Variants in BRINP3 observed in about 807,000 individuals in gnomAD.
BRINP3 encodes the protein BMP/retinoic acid-inducible neural-specific protein 3.
In BRINP3, 19 loss-of-function variants were observed where a neutral mutation model predicts 71.0. The ratio of observed to expected loss-of-function variants is 0.27; its 90% CI spans 0.19 to 0.39. The LOEUF is 0.39. BRINP3 is among the 10% of genes least tolerant of loss of function. The probability of loss-of-function intolerance (pLI) is 1.00; values close to 1 mark genes in which losing one functional copy is unlikely to be tolerated. For missense variants in BRINP3, 959 were observed against 940.8 expected, an observed-to-expected ratio of 1.02 and a Z score of -0.25; for synonymous variants, 380 against 337.7, an observed-to-expected ratio of 1.13 and a Z score of -1.37.
At chr1:190,165,775 T>C (rs1364727001) in intron 6 of BRINP3, among the ~76,000 whole-genome samples, 1 of 151,696 alleles carries the variant, frequency 6.6e-6, no homozygotes, top group Non-Finnish European at 1.5e-5. Context: ...GATACAAAAT[T>C]GGCAAGATAT....
intron 2 of BRINP3, among the ~76,000 whole-genome samples, chr1:190,383,129 C>G (rs919759081): frequency 1.3e-5 from 2 of 152,074 alleles, no homozygotes; most frequent in Non-Finnish European, 2.9e-5. Flanking sequence ...TCATTTTGAT[C>G]AGGAAAGTAT....
intron 7 of BRINP3, among the ~76,000 whole-genome samples, chr1:190,123,694 T>G (rs1431449962): frequency 6.6e-6 from 1 of 152,190 alleles, no homozygotes; most frequent in Admixed American, 6.5e-5. Context: ...GTTTCCTAAA[T>G]GAATAACCAT....
chr1:190,206,652 T>C (rs564822894), intron 6 of BRINP3, among the ~76,000 whole-genome samples: 1 of 152,198 alleles, frequency 6.6e-6, no homozygotes, highest in African/African-American at 2.4e-5. Context: ...ATAAAGGATG[T>C]AAAATTAATG....
At chr1:190,303,874 T>G (rs1345495301) in intron 2 of BRINP3, among the ~76,000 whole-genome samples, 1 of 151,810 alleles carries the variant, frequency 6.6e-6, no homozygotes, top group Admixed American at 6.6e-5. Context: ...CCCCTAGGTA[T>G]TTAAAAATAC....
intron 1 of BRINP3, among the ~76,000 whole-genome samples, chr1:190,465,582 G>C (rs1033418174): frequency 2.0e-5 from 3 of 151,892 alleles, no homozygotes; most frequent in African/African-American, 7.2e-5. Flanking sequence ...CAAGAATCCT[G>C]TTAGATCAGT....
chr1:190,463,633 T>A (rs1264704520), intron 1 of BRINP3, among the ~76,000 whole-genome samples: 1 of 151,808 alleles, frequency 6.6e-6, no homozygotes, highest in Admixed American at 6.6e-5. Flanking sequence ...TTTTGGATGT[T>A]CATAAATTCT....
intron 2 of BRINP3, among the ~76,000 whole-genome samples, chr1:190,320,972 C>G (rs978083037): frequency 4.6e-5 from 7 of 152,010 alleles, no homozygotes; most frequent in Admixed American, 3.9e-4. Context: ...TATACACACA[C>G]ACACACGTAT....
In BRINP3 at chr1:190,225,209, T is replaced by A. The variant is rs191171672; in HGVS notation, c.961+873A>T. 3.9e-5 allele frequency among the ~76,000 whole-genome samples: 6 copies of A among 151,944 alleles called. No individual in the cohort carries two copies. The East Asian group carries it at 1.2e-3, about 29-fold the overall frequency. On this transcript the variant is annotated intron_variant, in intron 6 of 7. Transcript: ENST00000367462. ...TGCAGCACTATTCCCAATAACCAAA[T>A]ACGGATTCAATTTAACTGCCCATCA...
At chr1:190,287,884 AATTTT>A (rs2307507) in intron 2 of BRINP3, among the ~76,000 whole-genome samples, 60,742 of 151,698 alleles carry the variant, frequency 0.4, 13,059 homozygotes, top group Non-Finnish European at 0.48. Flanking sequence ...AAAATAATTT[AATTTT>A]ATGTTACATA....
chr1:190,435,174 G>A (rs1674374969), intron 2 of BRINP3, among the ~76,000 whole-genome samples: 1 of 152,054 alleles, frequency 6.6e-6, no homozygotes, highest in Non-Finnish European at 1.5e-5. Flanking sequence ...TATCAATAAT[G>A]CATTAACACA....
At chr1:190,366,546 AAC>A (rs1669514947) in intron 2 of BRINP3, among the ~76,000 whole-genome samples, 1 of 152,062 alleles carries the variant, frequency 6.6e-6, no homozygotes, top group Admixed American at 6.5e-5. Flanking sequence ...CACATTTCAA[AAC>A]ACAGTCATCT....
chr1:190,098,108 A>G lies in BRINP3; in HGVS notation c.2211T>C (p.Ser737=), dbSNP rs113509354. The stretch of plus-strand genomic sequence containing the variant: ...GAGCAGATTGGATCCTCACCACCTC[A>G]CTAGTAGACAGCTTGAGTCTATGAC... The part of the protein sequence containing the change: ...LLRHRLKLST[S]EVVRIQSALQ... The change falls in exon 8 of 8, where the codon AGT becomes AGC. Residue 737 remains serine, a synonymous_variant. Coordinates refer to ENST00000367462, the MANE Select transcript of BRINP3 (RefSeq NM_199051.3). 3.1e-6 allele frequency: 5 copies of G among 1,614,160 alleles called. No homozygotes were observed. In the African/African-American group the frequency reaches 6.7e-5, roughly 22 times the overall value.
chr1:190,269,437 A>AT lies in BRINP3; in HGVS notation c.428-4383dup, dbSNP rs998481457. 9.2e-5 allele frequency among the ~76,000 whole-genome samples: 14 copies of AT among 152,216 alleles called. No individual in the cohort carries two copies. In the South Asian group the frequency reaches 2.1e-3, roughly 23 times the overall value. On this transcript the variant is annotated intron_variant, in intron 3 of 7. Coordinates refer to ENST00000367462, the MANE Select transcript of BRINP3 (RefSeq NM_199051.3). ...CATGAATTAGAACAAGTAAAACCAG[A>AT]TTTTTTCAGCACAAAATCACAAATA...
intron 1 of BRINP3, among the ~76,000 whole-genome samples, chr1:190,464,640 G>A (rs533081785): frequency 6.6e-6 from 1 of 151,956 alleles, no homozygotes; most frequent in South Asian, 2.1e-4. Flanking sequence ...ATATATGCTT[G>A]CACTAGCAGG....
chr1:190,234,586 TG>T, intron 4 of BRINP3, 109 bp from the exon 5 acceptor site: 1 of 756,684 alleles, frequency 1.3e-6, no homozygotes, highest in Admixed American at 2.3e-5. Context: ...TAAATATCAC[TG>T]AAAGGTCCAG....
rs534811148 is a variant in BRINP3 at position 190,256,725 on chromosome 1, T to C, written c.618+8140A>G. ...CCATTTGCTTGTCTGTAAATGATTT[T>C]ATTTCTCCTTAAATTATGAAGCTTA... is the stretch of plus-strand genomic sequence containing the variant. On this transcript the variant is annotated intron_variant, in intron 4 of 7. Transcript: ENST00000367462. 6.6e-5 allele frequency among the ~76,000 whole-genome samples: 10 copies of C among 152,316 alleles called. No individual in the cohort carries two copies. The East Asian group carries it at 1.9e-3, about 29-fold the overall frequency.
At chr1:190,459,455 C>T (rs1676237533) in intron 1 of BRINP3, among the ~76,000 whole-genome samples, 1 of 151,552 alleles carries the variant, frequency 6.6e-6, no homozygotes, top group Non-Finnish European at 1.5e-5. Flanking sequence ...GAAATATTTA[C>T]TATAACAGTA....
At chr1:190,304,309 C>A (rs1664942223) in intron 2 of BRINP3, among the ~76,000 whole-genome samples, 1 of 151,680 alleles carries the variant, frequency 6.6e-6, no homozygotes, top group Non-Finnish European at 1.5e-5. Context: ...ATGTGATTCA[C>A]CATATTATTT....
chr1:190,417,762 C>T (rs1035064906), intron 2 of BRINP3, among the ~76,000 whole-genome samples: 4 of 152,130 alleles, frequency 2.6e-5, no homozygotes, highest in African/African-American at 9.7e-5. Context: ...AAGGTACTTT[C>T]TTCTCCTAAA....
Sources: allele counts gnomAD v4.1 joint callset (sites outside exome capture counted in the v4.1 genomes callset), GRCh38; gene constraint gnomAD v4.1.1; transcripts MANE v1.5; gene names NCBI Gene and HGNC (gene_info 2026-07-23, HGNC 2026-07-21).